Variants in PCDHGA10 observed in about 807,000 individuals in gnomAD.
The protein encoded by PCDHGA10 is protocadherin gamma-A10.
In PCDHGA10, 42 loss-of-function variants were observed where a neutral mutation model predicts 59.5. The ratio of observed to expected loss-of-function variants is 0.71; its 90% confidence interval spans 0.55 to 0.91. PCDHGA10 has a LOEUF of 0.91. PCDHGA10 is among the 40% of genes least tolerant of loss of function. PCDHGA10 has a pLI of 0.00. For synonymous variants in PCDHGA10, 511 were observed against 517.2 expected (o/e 0.99, Z 0.16); for missense variants, 1,111 against 1,198.2 (o/e 0.93, Z 1.07).
intron 1 of PCDHGA10, among the ~76,000 whole-genome samples, chr5:141,433,408 A>ATCTATCTATCTATCT (rs1413347413): frequency 7.9e-6 from 1 of 127,280 alleles, no homozygotes; most frequent in African/African-American, 2.9e-5. Flanking sequence ...TCTATCTATT[A>ATCTATCTATCTATCT]CTTTCTTGTA....
intron 1 of PCDHGA10, chr5:141,479,660 A>G (rs1206947602): frequency 6.6e-6 from 1 of 152,266 alleles, no homozygotes; most frequent in African/African-American, 2.4e-5. Flanking sequence ...ACAATCCCAG[A>G]AACTACAAAA....
chr5:141,421,288 C>T, intron 1 of PCDHGA10: 1 of 1,613,312 alleles, frequency 6.2e-7, no homozygotes, highest in Non-Finnish European at 8.5e-7. Context: ...GTGCATTTTC[C>T]TGGGGACGCT....
rs774079222 is a variant in PCDHGA10 at position 141,491,314 on chromosome 5, C to T, written c.2437-3493C>T. On this transcript the variant is annotated intron_variant, in intron 1 of 3. Coordinates refer to ENST00000398610, the MANE Select transcript of PCDHGA10 (RefSeq NM_018913.3). This position sits in a 1 kb window ranked among gnomAD's most constrained non-coding sequence, Gnocchi z 6.9. ...CCCTCCTGAGCGTTCAGACCTTACC[C>T]TTTACCTCATTGTGGCTCTAGCGAC... The T allele has an allele frequency of 1.9e-6, 3 of 1,614,182 alleles. No individual in the cohort carries two copies. In the South Asian group the frequency reaches 3.3e-5, roughly 18 times the overall value.
intron 1 of PCDHGA10, chr5:141,421,800 G>A: frequency 6.2e-7 from 1 of 1,613,846 alleles, no homozygotes; most frequent in Non-Finnish European, 8.5e-7. Context: ...ATGGGGCCAA[G>A]AATCCAGAGC....
At chr5:141,435,805 T>C (rs2097780946) in intron 1 of PCDHGA10, among the ~76,000 whole-genome samples, 1 of 152,178 alleles carries the variant, frequency 6.6e-6, no homozygotes, top group African/African-American at 2.4e-5. Flanking sequence ...GTCCCAATTA[T>C]TTTTTCTTTC....
chr5:141,483,916 A>C (rs1377841777), intron 1 of PCDHGA10, among the ~76,000 whole-genome samples: 1 of 144,996 alleles, frequency 6.9e-6, no homozygotes, highest in African/African-American at 2.5e-5. Flanking sequence ...TCCCACTCAG[A>C]TTGCAGGTCG....
rs772000812 is a variant in PCDHGA10, at chr5:141,478,304, C to T, written c.2437-16503C>T. The T allele has an allele frequency of 8.1e-6, 13 of 1,614,108 alleles. No individual in the cohort carries two copies. In the Middle Eastern group the frequency reaches 1.2e-3, roughly 143 times the overall value. On this transcript the variant is annotated intron_variant, in intron 1 of 3. Coordinates refer to ENST00000398610, the MANE Select transcript of PCDHGA10 (RefSeq NM_018913.3). The stretch of plus-strand genomic sequence containing the variant: ...GCAGTCTAGAGACCTATACCGAGCC[C>T]CGGTGAGCTCACTGTACCGAACACC...
rs146615755 is a variant in PCDHGA10 at position 141,486,022 on chromosome 5, T to C, written c.2437-8785T>C. The C allele has an allele frequency of 1.2e-6, 2 of 1,614,030 alleles. No homozygotes were observed. Among genetic ancestry groups the C allele is most frequent in the Non-Finnish European group, 1.7e-6 (2 of 1,180,036 alleles). Reference sequence around the variant, plus strand: ...GTAACGTCACCTTTTATTTCAGTGGTCATACCCCTGATCGTGTAAGAAACC... The same window carrying C: ...GTAACGTCACCTTTTATTTCAGTGGCCATACCCCTGATCGTGTAAGAAACC... On this transcript the variant is annotated intron_variant, in intron 1 of 3. Coordinates refer to ENST00000398610, the MANE Select transcript of PCDHGA10 (RefSeq NM_018913.3). The surrounding 1 kb of genome is among the most constrained non-coding windows in gnomAD (Gnocchi z 5.0).
At position 141,494,854 on chromosome 5, in the gene PCDHGA10, C is replaced by T. The variant is rs1353498253; in HGVS notation, c.2484C>T (p.Pro828=). ...TDWRFSQAQR[P]GTSGSQNGDD... The stretch of plus-strand genomic sequence containing the variant: ...GGCGTTTCTCTCAGGCCCAGAGACC[C>T]GGCACCAGCGGGTAGGTGACTGATT... The change falls in exon 2 of 4, where the codon CCC becomes CCT. Residue 828 remains proline (P), a synonymous_variant. Coordinates refer to ENST00000398610, the MANE Select transcript of PCDHGA10 (RefSeq NM_018913.3). 1.2e-6 allele frequency: 2 copies of T among 1,614,120 alleles called. No homozygotes were observed. Among genetic ancestry groups the T allele is most frequent in the East Asian group, 2.2e-5 (1 of 44,870 alleles).
chr5:141,476,018 A>G lies in PCDHGA10; in HGVS notation c.2437-18789A>G. 7.3e-7 allele frequency: 1 copy of G among 1,371,412 alleles called. No homozygotes were observed. Among genetic ancestry groups the G allele is most frequent in the African/African-American group, 1.4e-5 (1 of 69,226 alleles). The allele number at this position is 1,371,412 out of a possible 1,614,324, so 85.0% of individuals were successfully genotyped here. A position where few individuals can be genotyped will look rare whatever the true frequency, so the allele number is the denominator to read the frequency against. The stretch of plus-strand genomic sequence containing the variant: ...AACGGCATCCAGAAAGCCATGTCGG[A>G]CTCGGCGCCCAGCGCCCAAGCGCTA... On this transcript the variant is annotated intron_variant, in intron 1 of 3. Coordinates refer to ENST00000398610, the MANE Select transcript of PCDHGA10 (RefSeq NM_018913.3). This position sits in a 1 kb window ranked among gnomAD's most constrained non-coding sequence, Gnocchi z 7.6.
At chr5:141,502,406 T>G (rs1390520101) in intron 2 of PCDHGA10, among the ~76,000 whole-genome samples, 1 of 152,072 alleles carries the variant, frequency 6.6e-6, no homozygotes, top group African/African-American at 2.4e-5. Context: ...TCCCCGAACC[T>G]GGATTTGCTG....
intron 1 of PCDHGA10, among the ~76,000 whole-genome samples, chr5:141,438,619 TATATATATATATATATAC>T (rs1380852637): frequency 0.021 from 829 of 39,644 alleles, 15 homozygotes; most frequent in East Asian, 0.054. Context: ...TATATATATA[TATATATATATATATATAC>T]ACACACACAC....
Position 141,491,019 on chromosome 5 carries a change from A to G in PCDHGA10, c.2437-3788A>G. 5 of 1,614,116 alleles carry G rather than the reference A, an allele frequency of 3.1e-6. No individual in the cohort carries two copies. The highest frequency in any genetic ancestry group is 4.2e-6 in the Non-Finnish European group (5 of 1,180,026). ...CTGGCTCCTTGGTCACCAAGGTGAC[A>G]GCCGTGGATGCTGATGCAGGCCACA... On this transcript the variant is annotated intron_variant, in intron 1 of 3. Coordinates refer to ENST00000398610, the MANE Select transcript of PCDHGA10 (RefSeq NM_018913.3). This position sits in a 1 kb window ranked among gnomAD's most constrained non-coding sequence, Gnocchi z 6.9.
chr5:141,423,678 G>A (rs1161093615), intron 1 of PCDHGA10: 3 of 1,496,158 alleles, frequency 2.0e-6, no homozygotes, highest in Non-Finnish European at 2.7e-6. Flanking sequence ...TTATTTCTCT[G>A]CCTCCTAATT....
chr5:141,503,773 C>A (rs961986223), intron 2 of PCDHGA10, among the ~76,000 whole-genome samples: 1 of 152,204 alleles, frequency 6.6e-6, no homozygotes. Context: ...TGTGTCTGTT[C>A]TTAGGCTGAG....
intron 1 of PCDHGA10, among the ~76,000 whole-genome samples, chr5:141,473,698 T>A (rs2099327181): frequency 6.6e-6 from 1 of 152,166 alleles, no homozygotes; most frequent in Non-Finnish European, 1.5e-5. Context: ...CTGACCACCC[T>A]CCAAGTGGTG....
rs913767837 is a variant in PCDHGA10, at chr5:141,491,909, C to T, written c.2437-2898C>T. 8.5e-6 allele frequency: 12 copies of T among 1,403,834 alleles called. No individual in the cohort carries two copies. Among genetic ancestry groups the T allele is most frequent in the Non-Finnish European group, 1.1e-5 (12 of 1,057,326 alleles). 87.0% of individuals were successfully genotyped at this position (1,403,834 alleles called of 1,614,324 possible). A position where few individuals can be genotyped will look rare whatever the true frequency, so the allele number is the denominator to read the frequency against. Reference sequence around the variant, plus strand: ...GGGCTCCGAGCACCGGGGGTGGTGGCGACTGTGGGCGAGGGGAGGTGGGAC... The same window carrying T: ...GGGCTCCGAGCACCGGGGGTGGTGGTGACTGTGGGCGAGGGGAGGTGGGAC... On this transcript the variant is annotated intron_variant, in intron 1 of 3. Transcript: ENST00000398610. The surrounding 1 kb of genome is among the most constrained non-coding windows in gnomAD (Gnocchi z 6.9).
chr5:141,478,139 G>C, intron 1 of PCDHGA10: 15 of 1,614,040 alleles, frequency 9.3e-6, no homozygotes, highest in Non-Finnish European at 1.3e-5. Context: ...TGAAGCCCGA[G>C]CCGAGTTCCC....
chr5:141,500,618 C>T (rs554274946), intron 2 of PCDHGA10, among the ~76,000 whole-genome samples: 1 of 152,262 alleles, frequency 6.6e-6, no homozygotes, highest in South Asian at 2.1e-4. Flanking sequence ...CCCAGTCATA[C>T]GGTACATTTC....
Sources: gnomAD v4.1 joint callset for allele counts (sites outside exome capture counted in the v4.1 genomes callset) on GRCh38, gnomAD v4.1.1 for gene constraint, Gnocchi (gnomAD v3.1) non-coding constraint, MANE v1.5 for transcripts, NCBI Gene and HGNC (gene_info 2026-07-23, HGNC 2026-07-21) for gene names.